The following PLIN3 variants were observed in gnomAD, a reference collection of about 807,000 sequenced individuals.
PLIN3 encodes the protein perilipin 3.
In PLIN3, 30 loss-of-function variants were observed where a neutral mutation model predicts 35.9. That is an observed-to-expected ratio of 0.84 (90% CI 0.62 to 1.13). The LOEUF (loss-of-function observed/expected upper bound fraction) is 1.13. Among genes scored for constraint, PLIN3 ranks in the 50% most tolerant of loss-of-function variants. The probability of loss-of-function intolerance (pLI) is 0.00; values close to 1 mark genes in which losing one functional copy is unlikely to be tolerated. For missense variants in PLIN3, 603 were observed against 596.9 expected (o/e 1.01, Z -0.11); for synonymous variants, 261 against 262.5 (o/e 0.99, Z 0.06).
intron 4 of PLIN3, among the ~76,000 whole-genome samples, chr19:4,854,254 T>G (rs1022202339): frequency 1.3e-5 from 2 of 152,046 alleles, no homozygotes; most frequent in Admixed American, 6.6e-5. Flanking sequence ...TTTAGACAGA[T>G]CTCTATGCAG....
chr19:4,861,246 C>A, intron 2 of PLIN3, 83 bp downstream of exon 2: 1 of 1,245,658 alleles, frequency 8.0e-7, no homozygotes, highest in Non-Finnish European at 1.2e-6. Context: ...CCCTGGCTCC[C>A]TGCCAGGGCA....
chr19:4,844,946 G>A (rs2030037802), intron 6 of PLIN3, among the ~76,000 whole-genome samples, 153 bp from the exon 7 acceptor site: 1 of 152,186 alleles, frequency 6.6e-6, no homozygotes, highest in Admixed American at 6.6e-5. Context: ...TGGCTACGGT[G>A]AGCTCTGGGG....
At chr19:4,843,316 G>T (rs907792695) in intron 7 of PLIN3, among the ~76,000 whole-genome samples, 75 of 152,068 alleles carry the variant, frequency 4.9e-4, no homozygotes, top group Admixed American at 3.5e-3. Flanking sequence ...ACCATCCCGG[G>T]TAACACGGTG....
intron 4 of PLIN3, among the ~76,000 whole-genome samples, chr19:4,854,257 C>T (rs147992746): frequency 6.6e-6 from 1 of 152,218 alleles, no homozygotes; most frequent in Non-Finnish European, 1.5e-5. Flanking sequence ...AGACAGATCT[C>T]TATGCAGAGG....
At chr19:4,848,950 C>A (rs2030196311) in intron 5 of PLIN3, among the ~76,000 whole-genome samples, 1 of 152,056 alleles carries the variant, frequency 6.6e-6, no homozygotes, top group Non-Finnish European at 1.5e-5. Context: ...ACCATATATA[C>A]CGTATTTTTC....
At chr19:4,859,269 C>T (rs537699702) in intron 4 of PLIN3, among the ~76,000 whole-genome samples, 1 of 152,114 alleles carries the variant, frequency 6.6e-6, no homozygotes, top group Non-Finnish European at 1.5e-5. Context: ...TTCCTATAAT[C>T]CCAGCACTTT....
At chr19:4,858,842 C>T (rs2030569132) in intron 4 of PLIN3, among the ~76,000 whole-genome samples, 1 of 151,534 alleles carries the variant, frequency 6.6e-6, no homozygotes, top group Non-Finnish European at 1.5e-5. Flanking sequence ...GCTGGGATTA[C>T]AGGCACCCGC....
Position 4,859,815 on chromosome 19 carries a change from A to C in PLIN3, c.265+11T>G, listed in dbSNP as rs2030607066. On this transcript the variant is annotated intron_variant, in intron 3 of 7. Coordinates refer to ENST00000221957, the MANE Select transcript of PLIN3 (RefSeq NM_005817.5). ...GGAGGGGAATTCAGTGCCCCCTGGG[A>C]CTTCACCCACTCTGGGGCTCCAGCT... is the stretch of plus-strand genomic sequence containing the variant. The C allele has an allele frequency of 6.2e-7, 1 of 1,612,826 alleles. No homozygotes were observed. Among genetic ancestry groups the C allele is most frequent in the Non-Finnish European group, 8.5e-7 (1 of 1,179,738 alleles).
At chr19:4,845,650 C>T (rs1330899474) in intron 6 of PLIN3, among the ~76,000 whole-genome samples, 1 of 151,954 alleles carries the variant, frequency 6.6e-6, no homozygotes, top group African/African-American at 2.4e-5. Flanking sequence ...GTCGGCCGAG[C>T]GCAGTGGCTC....
At chr19:4,851,335 G>A (rs2030283396) in intron 5 of PLIN3, among the ~76,000 whole-genome samples, 1 of 151,998 alleles carries the variant, frequency 6.6e-6, no homozygotes, top group Admixed American at 6.6e-5. Context: ...GTGGTGGCAG[G>A]TGCCTGTAAT....
chr19:4,848,122 T>G (rs1282324435), intron 5 of PLIN3, among the ~76,000 whole-genome samples: 4 of 152,120 alleles, frequency 2.6e-5, no homozygotes, highest in Admixed American at 6.6e-5. Flanking sequence ...TAACTGAGAT[T>G]ACAGGCGCCC....
chr19:4,856,064 A>C (rs556155178), intron 4 of PLIN3, among the ~76,000 whole-genome samples: 1 of 152,188 alleles, frequency 6.6e-6, no homozygotes, highest in African/African-American at 2.4e-5. Flanking sequence ...CTCAATAGCA[A>C]GTGGATGAAT....
intron 1 of PLIN3, among the ~76,000 whole-genome samples, chr19:4,866,107 T>C (rs776771758): frequency 2.0e-5 from 3 of 150,324 alleles, no homozygotes; most frequent in Non-Finnish European, 3.0e-5. Flanking sequence ...AACCTCCATC[T>C]CCCAGGTTCA....
rs368015374 is a variant in PLIN3, at chr19:4,859,584, C to G, written c.348+6G>C. The G allele has an allele frequency of 1.9e-6, 3 of 1,612,842 alleles. No homozygotes were observed. In the South Asian group the frequency reaches 3.3e-5, roughly 18 times the overall value. ...CGACAGAGCCCCTGAGGACGGACATCGTTACCTTCTCCGTGGGCTGCTGCA... is the reference window on the plus strand; with the variant it reads ...CGACAGAGCCCCTGAGGACGGACATGGTTACCTTCTCCGTGGGCTGCTGCA... On this transcript the variant is annotated splice_donor_region_variant and intron_variant, in intron 4 of 7. Coordinates refer to ENST00000221957, the MANE Select transcript of PLIN3 (RefSeq NM_005817.5).
At chr19:4,855,924 C>CAAA (rs772454816) in intron 4 of PLIN3, among the ~76,000 whole-genome samples, 1 of 73,806 alleles carries the variant, frequency 1.4e-5, no homozygotes. Context: ...GACCTTGTCT[C>CAAA]AAAAAAAAAA....
intron 4 of PLIN3, among the ~76,000 whole-genome samples, chr19:4,853,318 T>C (rs1281713949): frequency 6.6e-6 from 1 of 151,608 alleles, no homozygotes; most frequent in East Asian, 1.9e-4. Flanking sequence ...TTATCTTTTA[T>C]TTTTATTTAT....
chr19:4,849,858 G>T (rs560962273), intron 5 of PLIN3, among the ~76,000 whole-genome samples: 1 of 151,786 alleles, frequency 6.6e-6, no homozygotes, highest in East Asian at 1.9e-4. Context: ...TCACCATGTT[G>T]GCCAGGCTGG....
chr19:4,860,095 C>G, intron 2 of PLIN3, 71 bp from the exon 3 acceptor site: 2 of 1,417,486 alleles, frequency 1.4e-6, no homozygotes, highest in Non-Finnish European at 2.0e-6. Context: ...ACTCAGGGTG[C>G]CCTGCAGTTT....
chr19:4,851,090 G>C (rs1265655590), intron 5 of PLIN3, among the ~76,000 whole-genome samples: 1 of 152,090 alleles, frequency 6.6e-6, no homozygotes, highest in East Asian at 1.9e-4. Context: ...CCTCAACCCA[G>C]GAGTTGGAGG....
Sources: allele counts gnomAD v4.1 joint callset (sites outside exome capture counted in the v4.1 genomes callset), GRCh38; gene constraint gnomAD v4.1.1; transcripts MANE v1.5; gene names NCBI Gene and HGNC (gene_info 2026-07-23, HGNC 2026-07-21).